The following TMPRSS15 variants were observed in gnomAD, a reference collection of about 807,000 sequenced individuals.
TMPRSS15 encodes transmembrane serine protease 15.
Under a neutral mutation model 125.3 loss-of-function variants are expected in TMPRSS15, and 128 were observed. The ratio of observed to expected loss-of-function variants is 1.02; its 90% confidence interval spans 0.89 to 1.18. TMPRSS15 has a LOEUF of 1.18. Ranked by LOEUF, TMPRSS15 falls within the 50% of genes most tolerant of loss-of-function variation. The probability of loss-of-function intolerance (pLI) is 0.00; values close to 1 mark genes in which losing one functional copy is unlikely to be tolerated. For missense variants in TMPRSS15, 1,283 were observed against 1,212.7 expected, an observed-to-expected ratio of 1.06 and a Z score of -0.86; for synonymous variants, 446 against 423.2, an observed-to-expected ratio of 1.05 and a Z score of -0.66.
intron 10 of TMPRSS15, among the ~76,000 whole-genome samples, chr21:18,349,402 G>T (rs116370086): frequency 0.012 from 1,823 of 152,224 alleles, 39 homozygotes; most frequent in African/African-American, 0.042. Context: ...AGAAGGACTA[G>T]AAAAATTAAG....
chr21:18,304,061 G>C (rs1408298141), intron 18 of TMPRSS15, among the ~76,000 whole-genome samples: 1 of 152,290 alleles, frequency 6.6e-6, no homozygotes, highest in East Asian at 1.9e-4. Flanking sequence ...TCACTCTGTT[G>C]ATGATATCCT....
At chr21:18,461,543 C>T (rs2122952615) in intron 1 of TMPRSS15, among the ~76,000 whole-genome samples, 7 of 152,036 alleles carry the variant, frequency 4.6e-5, no homozygotes, top group African/African-American at 1.7e-4. Flanking sequence ...ACTAAACTCC[C>T]CACGCATATC....
At chr21:18,364,652 T>C (rs2075708919) in intron 7 of TMPRSS15, among the ~76,000 whole-genome samples, 1 of 152,134 alleles carries the variant, frequency 6.6e-6, no homozygotes, top group South Asian at 2.1e-4. Flanking sequence ...GAAATACATA[T>C]TGACTGATCC....
At chr21:18,446,820 C>T (rs1020002287) in intron 1 of TMPRSS15, among the ~76,000 whole-genome samples, 1 of 152,088 alleles carries the variant, frequency 6.6e-6, no homozygotes, top group Admixed American at 6.6e-5. Context: ...CAAAGTAGGA[C>T]CAAAACTGCT....
chr21:18,332,240 G>A, intron 13 of TMPRSS15, 67 bp from the exon 14 acceptor site: 4 of 1,368,686 alleles, frequency 2.9e-6, no homozygotes, highest in Middle Eastern at 1.8e-4. Flanking sequence ...AATACCATAT[G>A]CCAGCGAATT....
Position 18,403,329 on chromosome 21 carries a change from G to A in TMPRSS15, c.145+149C>T, listed in dbSNP as rs76632502. Reference sequence around the variant, plus strand: ...TACATGAAGGCAACATAAATATTTTGTCATGAAGATTAATTTGAAATATTA... The same window carrying A: ...TACATGAAGGCAACATAAATATTTTATCATGAAGATTAATTTGAAATATTA... On this transcript the variant is annotated intron_variant, in intron 1 of 24. Coordinates refer to ENST00000284885, the MANE Select transcript of TMPRSS15 (RefSeq NM_002772.3). The A allele has an allele frequency of 6.0e-3, 6,126 of 1,016,548 alleles. 25 individuals are homozygous for A. The highest frequency in any genetic ancestry group is 7.5e-3 in the Non-Finnish European group (4,963 of 662,754). 63.0% of individuals were successfully genotyped at this position (1,016,548 alleles called of 1,614,324 possible).
intron 1 of TMPRSS15, among the ~76,000 whole-genome samples, chr21:18,478,886 A>G (rs1978927854): frequency 6.6e-6 from 1 of 151,956 alleles, no homozygotes; most frequent in African/African-American, 2.4e-5. Context: ...TCTACTATAA[A>G]ATTCCTATTT....
intron 4 of TMPRSS15, among the ~76,000 whole-genome samples, chr21:18,382,780 A>T (rs2075904436): frequency 6.6e-6 from 1 of 152,134 alleles, no homozygotes; most frequent in South Asian, 2.1e-4. Flanking sequence ...ACCTTGGCAA[A>T]TTACTACTGT....
intron 1 of TMPRSS15, among the ~76,000 whole-genome samples, chr21:18,427,445 T>C (rs1034396848): frequency 4.6e-5 from 7 of 152,250 alleles, no homozygotes; most frequent in Non-Finnish European, 1.0e-4. Flanking sequence ...TGTTTATTTC[T>C]TTTAACAACT....
intron 1 of TMPRSS15, among the ~76,000 whole-genome samples, chr21:18,461,571 A>G (rs894013172): frequency 1.3e-5 from 2 of 152,178 alleles, no homozygotes; most frequent in African/African-American, 2.4e-5. Flanking sequence ...AGGAAGGGAA[A>G]ATCAATATCT....
chr21:18,471,266 A>G (rs1400161596), intron 1 of TMPRSS15, among the ~76,000 whole-genome samples: 2 of 152,076 alleles, frequency 1.3e-5, no homozygotes, highest in Admixed American at 6.6e-5. Context: ...CATATCTATG[A>G]TTTTTTCTAT....
chr21:18,465,646 G>T (rs1808588786), intron 1 of TMPRSS15, among the ~76,000 whole-genome samples: 1 of 152,120 alleles, frequency 6.6e-6, no homozygotes, highest in Non-Finnish European at 1.5e-5. Context: ...AATCATGAGT[G>T]AACTCCCATT....
At chr21:18,289,083 C>A (rs1266582895) in intron 21 of TMPRSS15, among the ~76,000 whole-genome samples, 2 of 151,782 alleles carry the variant, frequency 1.3e-5, no homozygotes, top group Non-Finnish European at 1.5e-5. Flanking sequence ...ATGAGACATT[C>A]AAAAAAATCC....
At chr21:18,461,170 A>T (rs1978544034) in intron 1 of TMPRSS15, among the ~76,000 whole-genome samples, 1 of 152,274 alleles carries the variant, frequency 6.6e-6, no homozygotes, top group African/African-American at 2.4e-5. Context: ...GGCCAATGAG[A>T]CGTAAGATCT....
At position 18,312,940 on chromosome 21, in the gene TMPRSS15, C is replaced by T. The variant is rs761002888; in HGVS notation, c.2165+5G>A. On this transcript the variant is annotated splice_donor_5th_base_variant and intron_variant, in intron 18 of 24. Transcript: ENST00000284885. ...CTTAAAAAGGAACTCAGTAGAATTA[C>T]TTACCCTAGTCCCAGCAGTTGACAA... is the stretch of plus-strand genomic sequence containing the variant. The T allele has an allele frequency of 2.5e-6, 4 of 1,613,576 alleles. No individual in the cohort carries two copies. In the South Asian group the frequency reaches 3.3e-5, roughly 13 times the overall value.
At chr21:18,444,186 A>G (rs1432047315) in intron 1 of TMPRSS15, among the ~76,000 whole-genome samples, 1 of 152,214 alleles carries the variant, frequency 6.6e-6, no homozygotes, top group Non-Finnish European at 1.5e-5. Flanking sequence ...GTTGCCCCAG[A>G]AACACCCAGC....
rs55706183 is a variant in TMPRSS15, at chr21:18,301,653, A to G, written c.2166-3824T>C. ...ACTGTACATTTTCTAAATCTTTAAA[A>G]TGTTCCATATTTGCAGATTTAGATA... On this transcript the variant is annotated intron_variant, in intron 18 of 24. Coordinates refer to ENST00000284885, the MANE Select transcript of TMPRSS15 (RefSeq NM_002772.3). 3.2e-3 allele frequency among the ~76,000 whole-genome samples: 480 copies of G among 152,304 alleles called. 4 individuals are homozygous for G. The highest frequency in any genetic ancestry group is 0.011 in the African/African-American group (460 of 41,572).
chr21:18,280,608 A>AAAAAACC (rs141262130), intron 22 of TMPRSS15, among the ~76,000 whole-genome samples: 1,927 of 151,424 alleles, frequency 0.013, 35 homozygotes, highest in African/African-American at 0.043. Context: ...ACAAAACAAC[A>AAAAAACC]AAAAACCAAA....
At chr21:18,375,718 T>C (rs1435512615) in intron 5 of TMPRSS15, among the ~76,000 whole-genome samples, 1 of 152,192 alleles carries the variant, frequency 6.6e-6, no homozygotes, top group African/African-American at 2.4e-5. Flanking sequence ...ATTCTGCAAA[T>C]AGGCTTTAAT....
Sources: gnomAD v4.1 joint callset for allele counts (sites outside exome capture counted in the v4.1 genomes callset) on GRCh38, gnomAD v4.1.1 for gene constraint, MANE v1.5 for transcripts, NCBI Gene and HGNC (gene_info 2026-07-23, HGNC 2026-07-21) for gene names.